Variants in EP400 observed in about 807,000 individuals in gnomAD.
EP400 encodes the protein E1A-binding protein p400.
Under a neutral mutation model 354.1 loss-of-function variants are expected in EP400, and 105 were observed. The observed-to-expected ratio is 0.30, with a 90% CI of 0.25 to 0.35. The LOEUF (loss-of-function observed/expected upper bound fraction) is 0.35, where lower values mean the gene tolerates loss of function less well. Among genes scored for constraint, EP400 ranks in the 10% least tolerant of loss-of-function variants. The probability of loss-of-function intolerance (pLI) is 1.00; values close to 1 mark genes in which losing one functional copy is unlikely to be tolerated. For missense variants in EP400, 3,280 were observed against 4,121.0 expected (o/e 0.80, Z 5.59); for synonymous variants, 1,646 against 1,716.9 (o/e 0.96, Z 1.02).
rs1043275287 is a variant in EP400 at position 132,029,001 on chromosome 12, T to G, written c.5382-700T>G. 6.6e-6 allele frequency: 1 copy of G among 152,532 alleles called. No individual in the cohort carries two copies. Among genetic ancestry groups the G allele is most frequent in the African/African-American group, 2.4e-5 (1 of 41,462 alleles). The allele number at this position is 152,532 out of a possible 1,614,324, so 9.4% of individuals were successfully genotyped here. A position where few individuals can be genotyped will look rare whatever the true frequency, so the allele number is the denominator to read the frequency against. On this transcript the variant is annotated intron_variant, in intron 27 of 52. Coordinates refer to ENST00000389561, the MANE Select transcript of EP400 (RefSeq NM_015409.5). The surrounding 1 kb of genome is among the most constrained non-coding windows in gnomAD (Gnocchi z 4.7). ...TGGAAAAAAAGAAAACTGGGAGTGC[T>G]TCTCCAAGGCCGAACAAGCCACTTC...
At position 132,076,528 on chromosome 12, in the gene EP400, C is replaced by T. The variant is rs771889241; in HGVS notation, c.9034C>T (p.Pro3012Ser). ...VQTQIQVAKLPQVVQQQTPVA... is the reference protein window; with the variant it reads ...VQTQIQVAKLSQVVQQQTPVA... ...TGTTTTGTCAAAGGTTGCAAAACTT[C>T]CTCAAGTTGTTCAACAGCAAACACC... The change falls in exon 52 of 53, where the codon CCT becomes TCT. Residue 3012 changes from proline (P) to serine (S), a missense_variant. This residue lies in a region of EP400 where 279 missense variants were observed against 386.7 expected (regional missense o/e 0.72). Coordinates refer to ENST00000389561, the MANE Select transcript of EP400 (RefSeq NM_015409.5). 7 of 1,614,004 alleles carry T rather than the reference C, an allele frequency of 4.3e-6. No individual in the cohort carries two copies. The Admixed American group carries it at 1.2e-4, about 27-fold the overall frequency.
At position 132,018,319 on chromosome 12, in the gene EP400, T is replaced by C; in HGVS notation, c.4220T>C (p.Ile1407Thr). 6.2e-7 allele frequency: 1 copy of C among 1,612,768 alleles called. No individual in the cohort carries two copies. Among genetic ancestry groups the C allele is most frequent in the Non-Finnish European group, 8.5e-7 (1 of 1,179,670 alleles). ...ATACCGCGGAAACTCATGGAGGAAATCTCCACTTCAGCAGCCCCAGCAGCC... is the reference window on the plus strand; with the variant it reads ...ATACCGCGGAAACTCATGGAGGAAACCTCCACTTCAGCAGCCCCAGCAGCC... ...KKIPRKLMEE[I>T]STSAAPAARP... The change falls in exon 21 of 53, where the codon ATC (isoleucine) becomes ACC (threonine). Residue 1407 changes from isoleucine (I) to threonine (T), a missense_variant. By Grantham distance (89) the Ile-to-Thr change is moderately conservative (BLOSUM62 -1). Coordinates refer to ENST00000389561, the MANE Select transcript of EP400 (RefSeq NM_015409.5). The surrounding 1 kb of genome is among the most constrained non-coding windows in gnomAD (Gnocchi z 4.0).
chr12:131,988,724 A>G (rs2136501074), intron 7 of EP400, among the ~76,000 whole-genome samples: 1 of 152,288 alleles, frequency 6.6e-6, no homozygotes, highest in East Asian at 1.9e-4. Context: ...CTGTGCTTTC[A>G]CTGTGTGAAC....
intron 1 of EP400, among the ~76,000 whole-genome samples, chr12:131,953,539 C>T (rs1222124183): frequency 6.6e-6 from 1 of 152,216 alleles, no homozygotes. Flanking sequence ...CCTGACAGGT[C>T]AGTTCTCTGT....
At chr12:132,023,299 ATTTTTTTTTTTT>A (rs767816284) in intron 23 of EP400, among the ~76,000 whole-genome samples, 62 of 71,042 alleles carry the variant, frequency 8.7e-4, no homozygotes, top group Admixed American at 2.4e-3. Flanking sequence ...TGCCCAGCTA[ATTTTTTTTTTTT>A]TTTTTTTTTT....
rs774943399 is a variant in EP400 at position 132,064,664 on chromosome 12, T to C, written c.8335-4T>C. Reference sequence around the variant, plus strand: ...GAAGAGAAGATACTTTGCTTGTATTTTAGGAACACCTCATCAAAATGCAGA... The same window carrying C: ...GAAGAGAAGATACTTTGCTTGTATTCTAGGAACACCTCATCAAAATGCAGA... On this transcript the variant is annotated splice_region_variant and splice_polypyrimidine_tract_variant and intron_variant, in intron 47 of 52. Coordinates refer to ENST00000389561, the MANE Select transcript of EP400 (RefSeq NM_015409.5). The C allele has an allele frequency of 1.4e-5, 23 of 1,609,630 alleles. No homozygotes were observed. In the African/African-American group the frequency reaches 2.5e-4, roughly 18 times the overall value.
rs1049449019 is a variant in EP400 at position 132,038,615 on chromosome 12, A to G, written c.6207+519A>G. Among the ~76,000 whole-genome samples, 3 of 152,214 alleles carry G rather than the reference A, an allele frequency of 2.0e-5. No individual in the cohort carries two copies. The highest frequency in any genetic ancestry group is 6.5e-5 in the Admixed American group (1 of 15,288). On this transcript the variant is annotated intron_variant, in intron 32 of 52. Transcript: ENST00000389561. This position sits in a 1 kb window ranked among gnomAD's most constrained non-coding sequence, Gnocchi z 4.2. Reference sequence around the variant, plus strand: ...ATGTTGAAGTGATAATATTTTGGCTATCGGGTTATGTCAATATTTTACTGT... The same window carrying G: ...ATGTTGAAGTGATAATATTTTGGCTGTCGGGTTATGTCAATATTTTACTGT...
chr12:131,956,616 G>A (rs1014832639), intron 1 of EP400, among the ~76,000 whole-genome samples: 2 of 152,090 alleles, frequency 1.3e-5, no homozygotes, highest in African/African-American at 2.4e-5. Flanking sequence ...ACTGCTGTAT[G>A]CAGTCTACTC....
At chr12:131,956,011 C>T (rs532037424) in intron 1 of EP400, among the ~76,000 whole-genome samples, 6 of 152,322 alleles carry the variant, frequency 3.9e-5, no homozygotes, top group South Asian at 2.1e-4. Context: ...GCTGTAGCTA[C>T]GGTTCTTTAC....
At chr12:131,961,989 C>A in intron 2 of EP400, 35 bp downstream of exon 2, 2 of 1,574,756 alleles carry the variant, frequency 1.3e-6, no homozygotes, top group Admixed American at 1.8e-5. Flanking sequence ...TAGTACAAAT[C>A]TTCTAGATGA....
At chr12:132,051,729 C>G (rs1302297917) in intron 41 of EP400, among the ~76,000 whole-genome samples, 1 of 152,116 alleles carries the variant, frequency 6.6e-6, no homozygotes, top group Non-Finnish European at 1.5e-5. Context: ...ACGGTTAGGC[C>G]TCCGGATAAC....
At position 131,989,967 on chromosome 12, in the gene EP400, G is replaced by T; in HGVS notation, c.2413G>T (p.Val805Phe). ...RWKVAAAKKLVRTVVRHHEEK... is the reference protein window; with the variant it reads ...RWKVAAAKKLFRTVVRHHEEK... The stretch of plus-strand genomic sequence containing the variant: ...TTCTTGCACTTTTATTCACCAGCTC[G>T]TTAGAACTGTGGTGCGCCATCACGA... Residue 805 changes from valine (V) to phenylalanine (F), a missense_variant, in exon 8 of 53, where the codon GTT (valine) becomes TTT (phenylalanine). By Grantham distance (50) the Val-to-Phe change is conservative. This residue lies in a region of EP400 where 800 missense variants were observed against 840.0 expected (regional missense o/e 0.95). Coordinates refer to ENST00000389561, the MANE Select transcript of EP400 (RefSeq NM_015409.5). 1.9e-6 allele frequency: 3 copies of T among 1,613,566 alleles called. No homozygotes were observed. The highest frequency in any genetic ancestry group is 2.5e-6 in the Non-Finnish European group (3 of 1,179,836).
intron 2 of EP400, among the ~76,000 whole-genome samples, chr12:131,972,110 GA>G (rs996841411): frequency 5.9e-5 from 9 of 151,598 alleles, no homozygotes; most frequent in African/African-American, 2.2e-4. Flanking sequence ...ATTGCTTTAG[GA>G]AAAAATTCAG....
At chr12:132,039,693 G>A (rs1894833718) in intron 32 of EP400, among the ~76,000 whole-genome samples, 1 of 152,196 alleles carries the variant, frequency 6.6e-6, no homozygotes, top group Non-Finnish European at 1.5e-5. Flanking sequence ...CAACCTCATT[G>A]TGTTTTAAGG....
At chr12:132,056,664 A>G (rs752655478) in intron 45 of EP400, among the ~76,000 whole-genome samples, 3 of 152,216 alleles carry the variant, frequency 2.0e-5, no homozygotes, top group Non-Finnish European at 2.9e-5. Context: ...TTTCTAGGAG[A>G]AAATCTGTGC....
At chr12:132,040,452 T>G (rs758025056) in intron 32 of EP400, among the ~76,000 whole-genome samples, 1 of 152,202 alleles carries the variant, frequency 6.6e-6, no homozygotes, top group Non-Finnish European at 1.5e-5. Flanking sequence ...AGCCAGGACA[T>G]GGAATCAACC....
At position 132,077,531 on chromosome 12, in the gene EP400, C is replaced by T. The variant is rs1157861706; in HGVS notation, c.9230C>T (p.Ala3077Val). The change falls in exon 53 of 53, where the codon GCG (alanine) becomes GTG (valine). Residue 3077 changes from alanine (A) to valine (V), a missense_variant. By Grantham distance (64) the Ala-to-Val change is moderately conservative. Transcript: ENST00000389561. ...KLIQQQVVTT[A>V]SAPLQTPGAP... ...ATTCAGCAGCAGGTGGTGACCACGG[C>T]GTCGGCCCCGCTCCAGACTCCAGGC... 20 of 1,613,716 alleles carry T rather than the reference C, an allele frequency of 1.2e-5. No homozygotes were observed. Among genetic ancestry groups the T allele is most frequent in the African/African-American group, 1.2e-4 (9 of 74,934 alleles).
At chr12:132,064,493 A>G (rs1895821947) in intron 47 of EP400, among the ~76,000 whole-genome samples, 175 bp from the exon 48 acceptor site, 2 of 152,222 alleles carry the variant, frequency 1.3e-5, no homozygotes, top group Admixed American at 6.5e-5. Flanking sequence ...TTTTTAATAA[A>G]TGAACACCTG....
At chr12:131,951,958 T>A (rs111711657) in intron 1 of EP400, among the ~76,000 whole-genome samples, 5,773 of 151,340 alleles carry the variant, frequency 0.038, 390 homozygotes, top group African/African-American at 0.13. Flanking sequence ...TTTTTTTTTT[T>A]AATTTTTAGT....
Sources: allele counts gnomAD v4.1 joint callset (sites outside exome capture counted in the v4.1 genomes callset), GRCh38; gene constraint gnomAD v4.1.1; regional missense constraint gnomAD v4.1.1; non-coding constraint Gnocchi (gnomAD v3.1); transcripts MANE v1.5; gene names NCBI Gene and HGNC (gene_info 2026-07-23, HGNC 2026-07-21).